XKR7: variants seen among roughly 807,000 people sequenced by gnomAD.
The protein encoded by XKR7 is XK related 7.
XKR7 carries 11 observed loss-of-function variants against 42.2 expected under a neutral mutation model. That is an observed-to-expected ratio of 0.26 (90% CI 0.16 to 0.43). XKR7 has a LOEUF of 0.43. XKR7 is among the 20% of genes least tolerant of loss of function. XKR7 has a pLI of 1.00. For missense variants in XKR7, 710 were observed against 802.2 expected, an observed-to-expected ratio of 0.89 and a Z score of 1.39; for synonymous variants, 346 against 366.4, an observed-to-expected ratio of 0.94 and a Z score of 0.64.
At position 31,968,644 on chromosome 20, in the gene XKR7, C is replaced by A. The variant is rs1307328582; in HGVS notation, c.469C>A (p.Pro157Thr). The A allele has an allele frequency of 5.7e-6, 9 of 1,586,232 alleles. No individual in the cohort carries two copies. The highest frequency in any genetic ancestry group is 2.2e-5 in the South Asian group (2 of 89,536). Residue 157 changes from proline to threonine, a missense_variant, in exon 1 of 3, where the codon CCG becomes ACG. Transcript: ENST00000562532. This position sits in a 1 kb window ranked among gnomAD's most constrained non-coding sequence, Gnocchi z 4.5. ...CCGGACCAAAGAAGGCAGCCCCGAG[C>A]CGGGTCCCCAGCCTGCGCCCTCCTC... The part of the protein sequence containing the change: ...AFRTKEGSPE[P>T]GPQPAPSSAS...
intron 1 of XKR7, among the ~76,000 whole-genome samples, chr20:31,983,429 G>A (rs539408927): frequency 1.4e-4 from 22 of 152,346 alleles, no homozygotes; most frequent in Middle Eastern, 6.8e-3. Context: ...GGCTGGGAAA[G>A]CTCTCTGAAG....
rs377400990 is a variant in XKR7, at chr20:32,001,469, G to T, written c.*4012G>T. 1 of 152,182 alleles carries T rather than the reference G, an allele frequency of 6.6e-6. No homozygotes were observed. The highest frequency in any genetic ancestry group is 1.5e-5 in the Non-Finnish European group (1 of 68,044). The allele number at this position is 152,182 out of a possible 1,614,324, so 9.4% of individuals were successfully genotyped here. On this transcript the variant is annotated 3_prime_UTR_variant, in exon 3 of 3. Transcript: ENST00000562532. ...TCCTGCCAAGTGGAAACCCCTCAGC[G>T]GAAGTCAGGGACAGAGGCTGTGGCT...
chr20:31,977,648 G>T (rs2064491516), intron 1 of XKR7, among the ~76,000 whole-genome samples: 1 of 152,194 alleles, frequency 6.6e-6, no homozygotes, highest in African/African-American at 2.4e-5. Flanking sequence ...TTAGTAACAA[G>T]ATGGGGTTAG....
chr20:31,993,626 C>T (rs1047289712), intron 1 of XKR7, among the ~76,000 whole-genome samples: 1 of 152,124 alleles, frequency 6.6e-6, no homozygotes, highest in Non-Finnish European at 1.5e-5. Flanking sequence ...ATTCATTCAG[C>T]CCATATAGAT....
chr20:31,975,490 G>GCCA (rs1449089445), intron 1 of XKR7, among the ~76,000 whole-genome samples: 2 of 152,050 alleles, frequency 1.3e-5, no homozygotes, highest in African/African-American at 4.8e-5. Flanking sequence ...GAGCTCAAAT[G>GCCA]CCACCTCTTC....
At chr20:31,981,859 C>T (rs2064514745) in intron 1 of XKR7, among the ~76,000 whole-genome samples, 1 of 152,230 alleles carries the variant, frequency 6.6e-6, no homozygotes, top group Non-Finnish European at 1.5e-5. Flanking sequence ...GGACTTTTGC[C>T]TATGTTGTTT....
chr20:31,982,810 G>A (rs553631299), intron 1 of XKR7, among the ~76,000 whole-genome samples: 3 of 152,330 alleles, frequency 2.0e-5, no homozygotes, highest in East Asian at 3.9e-4. Flanking sequence ...AGCCAGCCTA[G>A]AAGTGGGTCT....
At chr20:31,973,135 G>A (rs6087804) in intron 1 of XKR7, among the ~76,000 whole-genome samples, 51,785 of 152,122 alleles carry the variant, frequency 0.34, 10,485 homozygotes, top group African/African-American at 0.57. Context: ...TCATTCCATC[G>A]TTAAATGCTC....
chr20:31,991,224 G>A (rs971255318), intron 1 of XKR7, among the ~76,000 whole-genome samples: 1 of 152,194 alleles, frequency 6.6e-6, no homozygotes. Context: ...AACTTCCAGG[G>A]TGTCACCTTC....
At position 31,997,580 on chromosome 20, in the gene XKR7, T is replaced by A. The variant is rs1329800919; in HGVS notation, c.*123T>A. 5.1e-5 allele frequency: 49 copies of A among 956,478 alleles called. No homozygotes were observed. Among genetic ancestry groups the A allele is most frequent in the Non-Finnish European group, 7.4e-5 (49 of 661,436 alleles). The allele number at this position is 956,478 out of a possible 1,614,324, so 59.2% of individuals were successfully genotyped here. A position where few individuals can be genotyped will look rare whatever the true frequency, so the allele number is the denominator to read the frequency against. ...TGGATCTGTTGGTCCAAGGGTAGAG[T>A]GGCCCCACTCTTGGGTTCTTTCAGG... On this transcript the variant is annotated 3_prime_UTR_variant, in exon 3 of 3. Transcript: ENST00000562532.
At chr20:31,983,945 C>T (rs2064525338) in intron 1 of XKR7, among the ~76,000 whole-genome samples, 1 of 114,142 alleles carries the variant, frequency 8.8e-6, no homozygotes, top group African/African-American at 5.2e-5. Context: ...AAGACTCTGT[C>T]TCAATAAATA....
In XKR7 at chr20:32,002,199, C is replaced by T. The variant is rs1244077415; in HGVS notation, c.*4742C>T. The stretch of plus-strand genomic sequence containing the variant: ...CCCCAGGGGACAGAGAGGTTACCCC[C>T]TTGTGCTTAGCTTCTGCCACCCTTC... On this transcript the variant is annotated 3_prime_UTR_variant, in exon 3 of 3. Transcript: ENST00000562532. 1.3e-5 allele frequency: 2 copies of T among 152,204 alleles called. No individual in the cohort carries two copies. The highest frequency in any genetic ancestry group is 2.4e-5 in the African/African-American group (1 of 41,416). 9.4% of individuals were successfully genotyped at this position (152,204 alleles called of 1,614,324 possible). A position where few individuals can be genotyped will look rare whatever the true frequency, so the allele number is the denominator to read the frequency against.
chr20:31,997,004 A>C lies in XKR7; in HGVS notation c.1287A>C (p.Ile429=). 6.2e-7 allele frequency: 1 copy of C among 1,614,048 alleles called. No homozygotes were observed. Among genetic ancestry groups the C allele is most frequent in the Non-Finnish European group, 8.5e-7 (1 of 1,180,034 alleles). Residue 429 remains isoleucine, a synonymous_variant, in exon 3 of 3, where the codon ATA becomes ATC. Coordinates refer to ENST00000562532, the MANE Select transcript of XKR7 (RefSeq NM_001011718.2). The part of the protein sequence containing the change: ...CVVASSFALG[I]FFMCVYYCLL... The stretch of plus-strand genomic sequence containing the variant: ...TGGCCTCCAGCTTTGCGCTGGGCAT[A>C]TTCTTCATGTGTGTCTACTACTGTC...
In XKR7 at chr20:31,995,340, C is replaced by A; in HGVS notation, c.787+70C>A. On this transcript the variant is annotated intron_variant, in intron 2 of 2. Transcript: ENST00000562532. This position sits in a 1 kb window ranked among gnomAD's most constrained non-coding sequence, Gnocchi z 4.1. ...GGCCTTTCTCCCTGCTTCAGGCTCC[C>A]TGGGGATGCCCTGTGGGCTTCCCCA... The A allele has an allele frequency of 6.5e-7, 1 of 1,529,102 alleles. No homozygotes were observed. The highest frequency in any genetic ancestry group is 2.0e-5 in the Admixed American group (1 of 50,030). 94.7% of individuals were successfully genotyped at this position (1,529,102 alleles called of 1,614,324 possible). A position where few individuals can be genotyped will look rare whatever the true frequency, so the allele number is the denominator to read the frequency against.
At chr20:31,990,176 T>TTGTGTG (rs2064563550) in intron 1 of XKR7, among the ~76,000 whole-genome samples, 1 of 131,790 alleles carries the variant, frequency 7.6e-6, no homozygotes, top group East Asian at 2.0e-4. Flanking sequence ...TTTAAATTCA[T>TTGTGTG]TGCGTGTGTG....
intron 1 of XKR7, among the ~76,000 whole-genome samples, chr20:31,974,219 G>C (rs1423385866): frequency 6.6e-6 from 1 of 152,064 alleles, no homozygotes; most frequent in Non-Finnish European, 1.5e-5. Context: ...AAAAGAGAGA[G>C]AATAGACTGG....
intron 1 of XKR7, among the ~76,000 whole-genome samples, chr20:31,987,185 G>T (rs1433036326): frequency 7.4e-6 from 1 of 135,658 alleles, no homozygotes; most frequent in African/African-American, 2.8e-5. Context: ...CCTCAAAGCG[G>T]GCCCAGTATC....
In XKR7 at chr20:31,995,561, T is replaced by C. The variant is rs1401297591; in HGVS notation, c.787+291T>C. On this transcript the variant is annotated intron_variant, in intron 2 of 2. Transcript: ENST00000562532. This position sits in a 1 kb window ranked among gnomAD's most constrained non-coding sequence, Gnocchi z 4.1. ...GCTCCTGCCCTCCTCCCTTCCCCGT[T>C]GCCAGAGCCAACCAAACCCCATCTC... Among the ~76,000 whole-genome samples the C allele has an allele frequency of 2.6e-5, 4 of 151,938 alleles. No homozygotes were observed. Among genetic ancestry groups the C allele is most frequent in the Non-Finnish European group, 4.4e-5 (3 of 67,936 alleles).
At position 31,969,814 on chromosome 20, in the gene XKR7, A is replaced by C. The variant is rs139481148; in HGVS notation, c.584+1055A>C. On this transcript the variant is annotated intron_variant, in intron 1 of 2. Transcript: ENST00000562532. ...AGGGCCCTGCAGACTGTAACATTTTAAGAGTGTGGGGAAAGCATGGAAAAA... is the reference window on the plus strand; with the variant it reads ...AGGGCCCTGCAGACTGTAACATTTTCAGAGTGTGGGGAAAGCATGGAAAAA... 2.7e-4 allele frequency among the ~76,000 whole-genome samples: 41 copies of C among 152,294 alleles called. No homozygotes were observed. The East Asian group carries it at 7.7e-3, about 29-fold the overall frequency.
Sources: allele counts gnomAD v4.1 joint callset (sites outside exome capture counted in the v4.1 genomes callset), GRCh38; gene constraint gnomAD v4.1.1; non-coding constraint Gnocchi (gnomAD v3.1); transcripts MANE v1.5; gene names NCBI Gene and HGNC (gene_info 2026-07-23, HGNC 2026-07-21).